Variants in AHI1 observed in about 807,000 individuals in gnomAD.
The protein encoded by AHI1 is jouberin.
Under a neutral mutation model 149.3 loss-of-function variants are expected in AHI1, and 123 were observed. That is an observed-to-expected ratio of 0.82 (90% CI 0.71 to 0.96). The LOEUF (loss-of-function observed/expected upper bound fraction) is 0.96. Ranked by LOEUF, AHI1 falls within the 40% of genes least tolerant of loss-of-function variation. The pLI is 0.00. For missense variants in AHI1, 1,439 were observed against 1,422.7 expected, an observed-to-expected ratio of 1.01 and a Z score of -0.18; for synonymous variants, 475 against 459.8, an observed-to-expected ratio of 1.03 and a Z score of -0.42.
chr6:135,455,726 A>T lies in AHI1; in HGVS notation c.1344+8T>A. 1.3e-6 allele frequency: 2 copies of T among 1,565,122 alleles called. No homozygotes were observed. Among genetic ancestry groups the T allele is most frequent in the Non-Finnish European group, 1.7e-6 (2 of 1,148,668 alleles). ...CGTTTAATTTGAATTGGTCCATTCA[A>T]TTCATACCTCAAAGAACAGGATGAC... is the stretch of plus-strand genomic sequence containing the variant. On this transcript the variant is annotated splice_region_variant and intron_variant, in intron 10 of 28. Coordinates refer to ENST00000265602, the MANE Select transcript of AHI1 (RefSeq NM_001134831.2).
chr6:135,333,316 A>C (rs1788879533), intron 24 of AHI1, among the ~76,000 whole-genome samples: 2 of 152,234 alleles, frequency 1.3e-5, no homozygotes, highest in African/African-American at 4.8e-5. Flanking sequence ...ACATTATTAA[A>C]TATTAAAATG....
At chr6:135,402,643 T>G (rs558975297) in intron 22 of AHI1, among the ~76,000 whole-genome samples, 15 of 152,070 alleles carry the variant, frequency 9.9e-5, no homozygotes, top group African/African-American at 3.6e-4. Context: ...CCCAGTGAAA[T>G]AGCAAGACCA....
chr6:135,477,908 C>T (rs1792963876), intron 5 of AHI1, among the ~76,000 whole-genome samples: 1 of 152,168 alleles, frequency 6.6e-6, no homozygotes, highest in African/African-American at 2.4e-5. Context: ...AGTTGTTCTC[C>T]TGCCTCAGCC....
chr6:135,389,048 T>C (rs1057147236), intron 23 of AHI1, among the ~76,000 whole-genome samples: 4 of 151,680 alleles, frequency 2.6e-5, no homozygotes, highest in African/African-American at 4.8e-5. Context: ...CAGTGGCTCA[T>C]ACCTGTAATC....
At chr6:135,329,449 T>C (rs1046005285) in intron 24 of AHI1, among the ~76,000 whole-genome samples, 1 of 152,182 alleles carries the variant, frequency 6.6e-6, no homozygotes, top group Non-Finnish European at 1.5e-5. Context: ...GAAGAACAAA[T>C]CTAGATGATA....
chr6:135,387,135 G>A (rs1295017309), intron 23 of AHI1, among the ~76,000 whole-genome samples: 1 of 151,938 alleles, frequency 6.6e-6, no homozygotes, highest in African/African-American at 2.4e-5. Flanking sequence ...TTACACCTCA[G>A]CCTCCCAAAA....
chr6:135,346,397 T>G (rs1221960190), intron 24 of AHI1, among the ~76,000 whole-genome samples: 1 of 152,012 alleles, frequency 6.6e-6, no homozygotes, highest in Non-Finnish European at 1.5e-5. Flanking sequence ...AGACGGGGTC[T>G]CAGTGTGTTA....
chr6:135,334,969 TA>T (rs1252755790), intron 24 of AHI1, among the ~76,000 whole-genome samples: 1 of 152,246 alleles, frequency 6.6e-6, no homozygotes, highest in Non-Finnish European at 1.5e-5. Context: ...CTGATGTACC[TA>T]ACGTTTAGTT....
intron 28 of AHI1, among the ~76,000 whole-genome samples, chr6:135,287,288 A>T (rs991137660): frequency 6.6e-6 from 1 of 152,188 alleles, no homozygotes; most frequent in Non-Finnish European, 1.5e-5. Context: ...CCCAAAGAGA[A>T]ATTCAACTCG....
chr6:135,411,349 G>A lies in AHI1; in HGVS notation c.2960C>T (p.Thr987Ile), dbSNP rs756841248. Reference sequence around the variant, plus strand: ...TTCAACTGCATAAAATAAACTTACTGTGACAGTTTCAAGCCTCTGTTTTAC... The same window carrying A: ...TTCAACTGCATAAAATAAACTTACTATGACAGTTTCAAGCCTCTGTTTTAC... ...QLVKQRLETV[T>I]EVIRSCAAKV... Residue 987 changes from threonine to isoleucine, a missense_variant and splice_region_variant, in exon 21 of 29, where the codon ACA becomes ATA. Thr to Ile is a moderately conservative substitution (Grantham distance 89, BLOSUM62 -1). Coordinates refer to ENST00000265602, the MANE Select transcript of AHI1 (RefSeq NM_001134831.2). The A allele has an allele frequency of 1.2e-6, 2 of 1,605,360 alleles. No individual in the cohort carries two copies. The highest frequency in any genetic ancestry group is 1.7e-6 in the Non-Finnish European group (2 of 1,172,756).
intron 26 of AHI1, chr6:135,301,124 T>C: frequency 1.0e-6 from 1 of 985,272 alleles, no homozygotes; most frequent in Non-Finnish European, 1.2e-6. Context: ...TCCTTTAGAA[T>C]CTGAAACATT....
intron 23 of AHI1, among the ~76,000 whole-genome samples, chr6:135,359,239 A>G (rs1349887156): frequency 1.3e-5 from 2 of 152,224 alleles, no homozygotes; most frequent in Admixed American, 6.5e-5. Flanking sequence ...ATTGTTAGCC[A>G]GTGAAGTATA....
rs751251727 is a variant in AHI1, at chr6:135,457,553, T to C, written c.1092A>G (p.Pro364=). The C allele has an allele frequency of 3.7e-6, 6 of 1,613,960 alleles. No individual in the cohort carries two copies. The highest frequency in any genetic ancestry group is 8.5e-7 in the Non-Finnish European group (1 of 1,179,862). Residue 364 remains proline, a synonymous_variant, in exon 9 of 29, where the codon CCA becomes CCG. Coordinates refer to ENST00000265602, the MANE Select transcript of AHI1 (RefSeq NM_001134831.2). ...CATCAACCACATGAATTTTTACCAT[T>C]GGGTGAGAAATCATAAAATCTGACT... ...RLKSDFMISH[P]MVKIHVVDEH...
intron 21 of AHI1, among the ~76,000 whole-genome samples, chr6:135,407,868 T>C (rs957095936): frequency 3.3e-5 from 5 of 149,586 alleles, no homozygotes; most frequent in Admixed American, 2.0e-4. Context: ...AAAAGCCTAC[T>C]AAAAATACAA....
At chr6:135,483,842 G>A (rs112474438) in intron 5 of AHI1, among the ~76,000 whole-genome samples, 1,833 of 152,248 alleles carry the variant, frequency 0.012, 44 homozygotes, top group African/African-American at 0.042. Flanking sequence ...TAAAACTGCA[G>A]GCACTGTTCA....
In AHI1 at chr6:135,369,544, C is replaced by G. The variant is rs188262537; in HGVS notation, c.3110-11357G>C. ...GTTGTCTTTAATTAGAGGAAAACTACTAGCCCATTATTTCTTCAAATATTT... is the reference window on the plus strand; with the variant it reads ...GTTGTCTTTAATTAGAGGAAAACTAGTAGCCCATTATTTCTTCAAATATTT... On this transcript the variant is annotated intron_variant, in intron 23 of 28. Transcript: ENST00000265602. 9.3e-4 allele frequency among the ~76,000 whole-genome samples: 141 copies of G among 152,208 alleles called. 4 individuals are homozygous for G. Among genetic ancestry groups the G allele is most frequent in the Admixed American group, 9.2e-3 (141 of 15,290 alleles).
chr6:135,332,618 TC>T (rs1458888997), intron 24 of AHI1, among the ~76,000 whole-genome samples: 2 of 152,322 alleles, frequency 1.3e-5, no homozygotes, highest in African/African-American at 4.8e-5. Flanking sequence ...TAATTCACCT[TC>T]CAAGAAATTG....
chr6:135,457,129 CA>C (rs1789090708), intron 9 of AHI1, among the ~76,000 whole-genome samples: 1 of 152,024 alleles, frequency 6.6e-6, no homozygotes, highest in South Asian at 2.1e-4. Flanking sequence ...ACTAAAAATA[CA>C]AAAATTAGCC....
rs1442120199 is a variant in AHI1, at chr6:135,300,589, G to A, written c.3427-31C>T. On this transcript the variant is annotated intron_variant, in intron 26 of 28. Transcript: ENST00000265602. ...GAAGAAGAGGAAAAACAAGTAGTAAGTAAAAAATGAGAAAAGACAACACAG... is the reference window on the plus strand; with the variant it reads ...GAAGAAGAGGAAAAACAAGTAGTAAATAAAAAATGAGAAAAGACAACACAG... 5 of 1,582,808 alleles carry A rather than the reference G, an allele frequency of 3.2e-6. No individual in the cohort carries two copies. In the African/African-American group the frequency reaches 5.4e-5, roughly 17 times the overall value.
Sources: allele counts gnomAD v4.1 joint callset (sites outside exome capture counted in the v4.1 genomes callset), GRCh38; gene constraint gnomAD v4.1.1; transcripts MANE v1.5; gene names NCBI Gene and HGNC (gene_info 2026-07-23, HGNC 2026-07-21).